The following EMID1 variants were observed in gnomAD, a reference collection of about 807,000 sequenced individuals.
EMID1 encodes the protein EMI domain-containing protein 1.
EMID1 carries 40 observed loss-of-function variants against 60.6 expected under a neutral mutation model. The observed-to-expected ratio is 0.66, with a 90% CI of 0.51 to 0.86. The LOEUF is 0.86. Among genes scored for constraint, EMID1 ranks in the 40% least tolerant of loss-of-function variants. The pLI, the probability that EMID1 is intolerant of heterozygous loss-of-function variation, is 0.00. For synonymous variants in EMID1, 242 were observed against 231.0 expected (o/e 1.05, Z -0.43); for missense variants, 585 against 597.1 (o/e 0.98, Z 0.21).
chr22:29,209,727 G>A (rs1041561841), intron 1 of EMID1, among the ~76,000 whole-genome samples: 1 of 152,208 alleles, frequency 6.6e-6, no homozygotes, highest in Non-Finnish European at 1.5e-5. Flanking sequence ...AGACCCAAAG[G>A]ATGAATAAGA....
In EMID1 at chr22:29,221,066, C is replaced by CGTGTGT. The variant is rs59651061; in HGVS notation, c.320-4014_320-4009dup. The stretch of plus-strand genomic sequence containing the variant: ...ATTAGGGGAGGGCATGGGGTGGGAA[C>CGTGTGT]GTGTGTGTGTGTGTGTGTGTGTGTG... On this transcript the variant is annotated intron_variant, in intron 3 of 14. Transcript: ENST00000334018. 4.0e-3 allele frequency among the ~76,000 whole-genome samples: 403 copies of CGTGTGT among 100,040 alleles called. 6 individuals carry two copies. The highest frequency in any genetic ancestry group is 0.01 in the African/African-American group (272 of 26,252). The allele number at this position is 100,040 out of a possible 152,430, so 65.6% of individuals were successfully genotyped here. A position where few individuals can be genotyped will look rare whatever the true frequency, so the allele number is the denominator to read the frequency against.
intron 12 of EMID1, among the ~76,000 whole-genome samples, chr22:29,235,712 C>T (rs1377647564): frequency 6.6e-6 from 1 of 151,054 alleles, no homozygotes; most frequent in Non-Finnish European, 1.5e-5. Context: ...CACCATTGTG[C>T]CTGACTTAAA....
intron 4 of EMID1, among the ~76,000 whole-genome samples, chr22:29,226,255 C>T (rs2040505227): frequency 6.6e-6 from 1 of 152,206 alleles, no homozygotes; most frequent in African/African-American, 2.4e-5. Context: ...GGTCCCTGGT[C>T]CTGCTGCCGG....
chr22:29,207,449 G>T (rs2039714532), intron 1 of EMID1, among the ~76,000 whole-genome samples: 1 of 152,212 alleles, frequency 6.6e-6, no homozygotes, highest in Admixed American at 6.5e-5. Context: ...GAGCATGGAA[G>T]TGAGCCGCCA....
intron 3 of EMID1, among the ~76,000 whole-genome samples, chr22:29,224,165 T>C (rs574740287): frequency 2.0e-3 from 304 of 152,280 alleles, no homozygotes; most frequent in African/African-American, 7.0e-3. Flanking sequence ...CAGCCTCCGC[T>C]GGGGGCTGGC....
chr22:29,239,413 G>A (rs73156506), intron 12 of EMID1, among the ~76,000 whole-genome samples: 2,673 of 151,942 alleles, frequency 0.018, 114 homozygotes, highest in Non-Finnish European at 0.028. Context: ...TTACAGGCAT[G>A]AGCCACCACG....
chr22:29,257,286 C>T (rs943905252), intron 14 of EMID1, among the ~76,000 whole-genome samples: 1 of 152,168 alleles, frequency 6.6e-6, no homozygotes, highest in South Asian at 2.1e-4. Flanking sequence ...CTACTGAAGA[C>T]CCAGATGGGG....
At chr22:29,213,197 G>C (rs1378500429) in intron 1 of EMID1, among the ~76,000 whole-genome samples, 1 of 152,154 alleles carries the variant, frequency 6.6e-6, no homozygotes, top group Non-Finnish European at 1.5e-5. Context: ...TGATAGCTGG[G>C]TCTCAGGTCA....
intron 5 of EMID1, among the ~76,000 whole-genome samples, chr22:29,229,659 AG>A (rs1244109262): frequency 6.6e-6 from 1 of 151,334 alleles, no homozygotes; most frequent in East Asian, 1.9e-4. Context: ...AAAAAAAAAA[AG>A]AAGATGCCCC....
chr22:29,245,076 G>A (rs985047669), intron 13 of EMID1, among the ~76,000 whole-genome samples: 1 of 152,042 alleles, frequency 6.6e-6, no homozygotes, highest in African/African-American at 2.4e-5. Context: ...CCCCTACCCT[G>A]CACGAGTCTT....
chr22:29,219,274 C>G (rs2040200553), intron 3 of EMID1, among the ~76,000 whole-genome samples: 1 of 152,204 alleles, frequency 6.6e-6, no homozygotes, highest in Non-Finnish European at 1.5e-5. Context: ...GTCTCAGCCC[C>G]AGCTCCTCCT....
intron 12 of EMID1, 67 bp downstream of exon 12, chr22:29,234,416 C>G (rs1221217960): frequency 3.2e-6 from 5 of 1,555,922 alleles, no homozygotes; most frequent in Non-Finnish European, 4.4e-6. Context: ...CCTCCTGTGA[C>G]TCCATCCCCT....
chr22:29,231,450 C>T lies in EMID1; in HGVS notation c.587-143C>T, dbSNP rs529095693. The T allele has an allele frequency of 5.0e-5, 46 of 922,016 alleles. No individual in the cohort carries two copies. In the Middle Eastern group the frequency reaches 7.3e-4, roughly 15 times the overall value. 57.1% of individuals were successfully genotyped at this position (922,016 alleles called of 1,614,324 possible). On this transcript the variant is annotated intron_variant, in intron 6 of 14. Coordinates refer to ENST00000334018, the MANE Select transcript of EMID1 (RefSeq NM_133455.4). ...GACACTGACCTCTGCCTACCCCCCC[C>T]ACCCCAGGGCTGCCAGGAGCCATAG...
intron 7 of EMID1, 157 bp downstream of exon 7, chr22:29,231,839 G>C: frequency 1.5e-6 from 1 of 663,892 alleles, no homozygotes. Flanking sequence ...CCACGCCTGG[G>C]CTCCATGAAG....
intron 3 of EMID1, among the ~76,000 whole-genome samples, chr22:29,218,577 A>G (rs115964404): frequency 0.012 from 1,759 of 152,270 alleles, 36 homozygotes; most frequent in African/African-American, 0.041. Flanking sequence ...GCTGCCTCTC[A>G]TCAGAAACAA....
At chr22:29,255,000 T>A (rs1156901265) in intron 14 of EMID1, among the ~76,000 whole-genome samples, 1 of 151,090 alleles carries the variant, frequency 6.6e-6, no homozygotes, top group Non-Finnish European at 1.5e-5. Context: ...CCTGTTCTGT[T>A]GGTCCCTTTA....
chr22:29,253,593 G>A (rs115914956), intron 13 of EMID1, among the ~76,000 whole-genome samples: 1,737 of 152,196 alleles, frequency 0.011, 29 homozygotes, highest in African/African-American at 0.04. Context: ...AAAAAAAAAT[G>A]TACTTTTGAC....
At chr22:29,254,687 C>A in intron 14 of EMID1, 1 of 219,842 alleles carries the variant, frequency 4.5e-6, no homozygotes, top group Non-Finnish European at 9.2e-6. Flanking sequence ...CATGGGGAAT[C>A]CAATCACAGC....
chr22:29,215,208 G>A, intron 2 of EMID1, 169 bp downstream of exon 2: 1 of 985,432 alleles, frequency 1.0e-6, no homozygotes, highest in South Asian at 4.7e-5. Context: ...CTGTGCTGTT[G>A]AAGCACCCTG....
Sources: allele counts gnomAD v4.1 joint callset (sites outside exome capture counted in the v4.1 genomes callset), GRCh38; gene constraint gnomAD v4.1.1; transcripts MANE v1.5; gene names NCBI Gene and HGNC (gene_info 2026-07-23, HGNC 2026-07-21).